Variants in PNPLA8 observed in about 807,000 individuals in gnomAD.
PNPLA8 encodes the protein patatin like domain 8, phospholipase A2, also known as calcium-independent phospholipase A2-gamma.
PNPLA8 carries 39 observed loss-of-function variants against 76.9 expected under a neutral mutation model. That is an observed-to-expected ratio of 0.51 (90% CI 0.39 to 0.66). The LOEUF (loss-of-function observed/expected upper bound fraction) is 0.66. Ranked by LOEUF, PNPLA8 falls within the 30% of genes least tolerant of loss-of-function variation. The pLI, the probability that PNPLA8 is intolerant of heterozygous loss-of-function variation, is 0.00. For missense variants in PNPLA8, 887 were observed against 918.0 expected, an observed-to-expected ratio of 0.97 and a Z score of 0.44; for synonymous variants, 301 against 307.9, an observed-to-expected ratio of 0.98 and a Z score of 0.24.
At chr7:108,486,100 T>C (rs1211123469) in intron 9 of PNPLA8, among the ~76,000 whole-genome samples, 2 of 152,080 alleles carry the variant, frequency 1.3e-5, no homozygotes, top group African/African-American at 4.8e-5. Flanking sequence ...TGAATTACTT[T>C]GGTAATATAT....
chr7:108,500,094 T>C (rs1861831238), intron 5 of PNPLA8, among the ~76,000 whole-genome samples: 1 of 152,344 alleles, frequency 6.6e-6, no homozygotes, highest in Non-Finnish European at 1.5e-5. Context: ...GCAAACACTG[T>C]ATTGTTTTGT....
At position 108,510,299 on chromosome 7, in the gene PNPLA8, A is replaced by T. The variant is rs549602391; in HGVS notation, c.1206+3845T>A. On this transcript the variant is annotated intron_variant, in intron 4 of 10. Transcript: ENST00000257694. The stretch of plus-strand genomic sequence containing the variant: ...AGAAACCCTTAAGAAAAAGCGAAGG[A>T]ATTTCTCAGAGCTGAAGATGAAGCG... The T allele has an allele frequency of 2.5e-5, 39 of 1,588,694 alleles. No homozygotes were observed. The East Asian group carries it at 7.8e-4, about 32-fold the overall frequency.
At chr7:108,519,767 G>A (rs968337217) in intron 2 of PNPLA8, among the ~76,000 whole-genome samples, 1 of 150,828 alleles carries the variant, frequency 6.6e-6, no homozygotes, top group Non-Finnish European at 1.5e-5. Flanking sequence ...TCTACAAAAA[G>A]ACCAGACAGA....
Position 108,472,521 on chromosome 7 carries a change from T to C in PNPLA8, c.2229A>G (p.Gln743=). Residue 743 remains glutamine, a synonymous_variant, in exon 11 of 11, where the codon CAA becomes CAG. Transcript: ENST00000257694. ...EGLKYIERNE[Q]KMKKVAKILS... ...ATATTTTTGCAACTTTTTTCATTTT[T>C]TGTTCATTTCTTTCTATGTATTTCA... 1 of 1,610,824 alleles carries C rather than the reference T, an allele frequency of 6.2e-7. No homozygotes were observed. The highest frequency in any genetic ancestry group is 1.3e-5 in the African/African-American group (1 of 74,740).
intron 4 of PNPLA8, among the ~76,000 whole-genome samples, chr7:108,509,774 A>G: frequency 6.8e-6 from 1 of 147,442 alleles, no homozygotes; most frequent in African/African-American, 2.5e-5. Context: ...CTTGGAACCA[A>G]CCCAAATGTC....
intron 4 of PNPLA8, among the ~76,000 whole-genome samples, chr7:108,512,560 G>A (rs1246205461): frequency 6.6e-6 from 1 of 151,844 alleles, no homozygotes; most frequent in Admixed American, 6.6e-5. Context: ...CTTAAATATG[G>A]TAGACACATA....
chr7:108,496,829 G>C (rs557083161), intron 6 of PNPLA8, 74 bp from the exon 7 acceptor site: 7 of 1,221,240 alleles, frequency 5.7e-6, no homozygotes, highest in African/African-American at 1.6e-5. Context: ...CTGAATCATA[G>C]TTTTGGCTTA....
chr7:108,481,902 G>A (rs546004588), intron 9 of PNPLA8, among the ~76,000 whole-genome samples: 18 of 152,200 alleles, frequency 1.2e-4, no homozygotes, highest in African/African-American at 4.1e-4. Context: ...TGGGGGTCTA[G>A]GAGAAAAGAC....
At chr7:108,499,254 G>C (rs1429862001) in intron 5 of PNPLA8, among the ~76,000 whole-genome samples, 1 of 152,074 alleles carries the variant, frequency 6.6e-6, no homozygotes, top group East Asian at 1.9e-4. Flanking sequence ...ATGGTTTTGG[G>C]GTTTTTTTCT....
intron 10 of PNPLA8, among the ~76,000 whole-genome samples, chr7:108,475,592 C>T (rs1442740953): frequency 1.6e-4 from 24 of 152,184 alleles, no homozygotes; most frequent in Non-Finnish European, 5.9e-5. Flanking sequence ...TTTAATTTCT[C>T]TCAGTAATGT....
rs1346102065 is a variant in PNPLA8 at position 108,471,609 on chromosome 7, T to C, written c.*792A>G. ...ACAAAAATTAATTTTAAAATGACATTAGCCTTTTAACAACAGATTATTTAA... is the reference window on the plus strand; with the variant it reads ...ACAAAAATTAATTTTAAAATGACATCAGCCTTTTAACAACAGATTATTTAA... On this transcript the variant is annotated 3_prime_UTR_variant, in exon 11 of 11. Transcript: ENST00000257694. 1 of 152,220 alleles carries C rather than the reference T, an allele frequency of 6.6e-6. No individual in the cohort carries two copies. Among genetic ancestry groups the C allele is most frequent in the Non-Finnish European group, 1.5e-5 (1 of 68,044 alleles). The allele number at this position is 152,220 out of a possible 1,614,324, so 9.4% of individuals were successfully genotyped here. A position where few individuals can be genotyped will look rare whatever the true frequency, so the allele number is the denominator to read the frequency against.
intron 9 of PNPLA8, among the ~76,000 whole-genome samples, chr7:108,481,425 A>T (rs1265838532): frequency 6.6e-6 from 1 of 152,148 alleles, no homozygotes; most frequent in Non-Finnish European, 1.5e-5. Flanking sequence ...GTGGCATTTC[A>T]TCATTGTTTT....
In PNPLA8 at chr7:108,487,887, C is replaced by T. The variant is rs762914068; in HGVS notation, c.1750G>A (p.Gly584Ser). Residue 584 changes from glycine (G) to serine (S), a missense_variant, in exon 9 of 11, where the codon GGT becomes AGT. Transcript: ENST00000257694. ...TPKAFVFRNY[G>S]HFPGINSHYL... ...TGAGAGTTGATTCCAGGAAAATGAC[C>T]ATAGTTTCTGAACACAAAAGCTTTG... 7 of 1,613,302 alleles carry T rather than the reference C, an allele frequency of 4.3e-6. No homozygotes were observed. In the African/African-American group the frequency reaches 9.4e-5, roughly 22 times the overall value.
chr7:108,493,650 T>C (rs1440793795), intron 7 of PNPLA8, among the ~76,000 whole-genome samples: 6 of 150,678 alleles, frequency 4.0e-5, no homozygotes, highest in Non-Finnish European at 8.9e-5. Context: ...AATTATATTT[T>C]CTAATTGACA....
intron 4 of PNPLA8, among the ~76,000 whole-genome samples, chr7:108,505,007 C>A (rs1238371575): frequency 6.6e-6 from 1 of 151,882 alleles, no homozygotes; most frequent in Non-Finnish European, 1.5e-5. Flanking sequence ...ACCTGGGAGG[C>A]AGAGGTTGTG....
intron 9 of PNPLA8, among the ~76,000 whole-genome samples, chr7:108,486,364 G>A (rs1269959975): frequency 6.6e-6 from 1 of 151,914 alleles, no homozygotes; most frequent in Non-Finnish European, 1.5e-5. Context: ...TAAGAATAGG[G>A]GAAATCGTTG....
rs1222402114 is a variant in PNPLA8, at chr7:108,472,385, C to T, written c.*16G>A. 2 of 1,508,352 alleles carry T rather than the reference C, an allele frequency of 1.3e-6. No individual in the cohort carries two copies. The highest frequency in any genetic ancestry group is 2.1e-5 in the Admixed American group (1 of 47,088). The allele number at this position is 1,508,352 out of a possible 1,614,324, so 93.4% of individuals were successfully genotyped here. A position where few individuals can be genotyped will look rare whatever the true frequency, so the allele number is the denominator to read the frequency against. ...CTAAACAGACCTTCATTTATGAGAACATAAGCATATACTCATCACAATTTT... is the reference window on the plus strand; with the variant it reads ...CTAAACAGACCTTCATTTATGAGAATATAAGCATATACTCATCACAATTTT... On this transcript the variant is annotated 3_prime_UTR_variant, in exon 11 of 11. Transcript: ENST00000257694.
At chr7:108,488,004 G>T (rs774128364) in intron 8 of PNPLA8, 51 bp from the exon 9 acceptor site, 1 of 1,140,242 alleles carries the variant, frequency 8.8e-7, no homozygotes, top group South Asian at 1.5e-5. Flanking sequence ...ATATATTTGG[G>T]ATCTGTAAAA....
chr7:108,502,442 CAAAAAAAAAAAAAAAA>C (rs369261888), intron 5 of PNPLA8, 33 bp downstream of exon 5: 2 of 623,266 alleles, frequency 3.2e-6, no homozygotes, highest in Non-Finnish European at 2.1e-6. Context: ...AACTCCATCT[CAAAAAAAAAAAAAAAA>C]AAAAAAAAAA....
Sources: allele counts gnomAD v4.1 joint callset (sites outside exome capture counted in the v4.1 genomes callset), GRCh38; gene constraint gnomAD v4.1.1; transcripts MANE v1.5; gene names NCBI Gene and HGNC (gene_info 2026-07-23, HGNC 2026-07-21).